Variants in TLE4 observed in about 807,000 individuals in gnomAD.
The protein encoded by TLE4 is TLE family member 4, transcriptional corepressor.
A neutral mutation model predicts 92.8 loss-of-function variants in TLE4; 8 were observed. That is an observed-to-expected ratio of 0.09 (90% confidence interval 0.05 to 0.16). The LOEUF (loss-of-function observed/expected upper bound fraction) is 0.16. TLE4 is among the 10% of genes least tolerant of loss of function. TLE4 has a pLI of 1.00. For missense variants in TLE4, 675 were observed against 997.6 expected, an observed-to-expected ratio of 0.68 and a Z score of 4.36; for synonymous variants, 371 against 374.1, an observed-to-expected ratio of 0.99 and a Z score of 0.10.
At chr9:79,593,618 C>A (rs980093351) in intron 4 of TLE4, among the ~76,000 whole-genome samples, 4 of 152,118 alleles carry the variant, frequency 2.6e-5, no homozygotes, top group Non-Finnish European at 4.4e-5. Context: ...GAAAATTAAA[C>A]AATATTCAGT....
intron 15 of TLE4, 136 bp from the exon 16 acceptor site, chr9:79,719,910 C>T: frequency 5.3e-6 from 6 of 1,140,806 alleles, no homozygotes; most frequent in South Asian, 1.9e-5. Context: ...AGCATTAATC[C>T]ACTTTATCAT....
At chr9:79,583,451 G>GA (rs1312218988) in intron 4 of TLE4, among the ~76,000 whole-genome samples, 1 of 152,170 alleles carries the variant, frequency 6.6e-6, no homozygotes, top group Admixed American at 6.5e-5. Flanking sequence ...TTCACGGAAT[G>GA]AAAGGATAAC....
intron 14 of TLE4, among the ~76,000 whole-genome samples, chr9:79,712,826 A>G (rs2073660842): frequency 1.3e-5 from 2 of 152,216 alleles, no homozygotes; most frequent in Admixed American, 6.5e-5. Context: ...GTGTATAACT[A>G]TTTGATTAAC....
At chr9:79,573,344 C>T in intron 1 of TLE4, 1 of 1,098,532 alleles carries the variant, frequency 9.1e-7, no homozygotes, top group African/African-American at 1.7e-5. Context: ...GGCGCGGGTC[C>T]CCCCGACGGG....
At chr9:79,708,050 T>C (rs1475386030) in intron 11 of TLE4, 68 bp from the exon 12 acceptor site, 1 of 1,515,554 alleles carries the variant, frequency 6.6e-7, no homozygotes, top group African/African-American at 1.4e-5. Flanking sequence ...TTCTTTACCT[T>C]TTTACTGTTT....
intron 6 of TLE4, among the ~76,000 whole-genome samples, 167 bp from the exon 7 acceptor site, chr9:79,652,426 A>G (rs970040431): frequency 2.0e-5 from 3 of 152,082 alleles, no homozygotes; most frequent in Non-Finnish European, 4.4e-5. Context: ...TGACCTCGTG[A>G]TCCGCCTGCC....
chr9:79,592,757 C>T (rs1429859254), intron 4 of TLE4, among the ~76,000 whole-genome samples: 1 of 152,164 alleles, frequency 6.6e-6, no homozygotes. Context: ...TTGTTGCAGT[C>T]ATTCTTTTCT....
chr9:79,573,800 C>T lies in TLE4; in HGVS notation c.143+14C>T, dbSNP rs2036728980. ...TCAATACCACAGGTAACGATATTGA[C>T]TTTAGCTGATCCTTCTGTTTGCTTA... On this transcript the variant is annotated intron_variant, in intron 2 of 19. Transcript: ENST00000376552. 2.6e-6 allele frequency: 4 copies of T among 1,537,424 alleles called. No homozygotes were observed. Among genetic ancestry groups the T allele is most frequent in the Non-Finnish European group, 3.6e-6 (4 of 1,122,112 alleles).
chr9:79,634,941 T>C (rs769846803), intron 6 of TLE4, among the ~76,000 whole-genome samples: 1 of 152,198 alleles, frequency 6.6e-6, no homozygotes, highest in Non-Finnish European at 1.5e-5. Flanking sequence ...TATTTGGATA[T>C]TTTAAGTAAG....
intron 4 of TLE4, chr9:79,576,401 A>G (rs2037776328): frequency 9.2e-6 from 3 of 327,726 alleles, no homozygotes; most frequent in Non-Finnish European, 1.7e-5. Flanking sequence ...AAGTCTGAAT[A>G]CATATTAAAC....
chr9:79,609,081 C>T lies in TLE4; in HGVS notation c.253-3575C>T, dbSNP rs545653984. ...GCGTTAGTATTTGTTACTTTTTAACCTAGTGATTGAGTTACAGCTTTCTTT... is the reference window on the plus strand; with the variant it reads ...GCGTTAGTATTTGTTACTTTTTAACTTAGTGATTGAGTTACAGCTTTCTTT... On this transcript the variant is annotated intron_variant, in intron 4 of 19. Coordinates refer to ENST00000376552, the MANE Select transcript of TLE4 (RefSeq NM_007005.6). Among the ~76,000 whole-genome samples, 11 of 152,134 alleles carry T rather than the reference C, an allele frequency of 7.2e-5. No homozygotes were observed. In the South Asian group the frequency reaches 2.1e-3, roughly 29 times the overall value.
At chr9:79,636,993 T>G (rs1446702882) in intron 6 of TLE4, among the ~76,000 whole-genome samples, 1 of 152,170 alleles carries the variant, frequency 6.6e-6, no homozygotes, top group Non-Finnish European at 1.5e-5. Flanking sequence ...AGGAAGCGCA[T>G]GGACTGGTAG....
intron 8 of TLE4, among the ~76,000 whole-genome samples, chr9:79,693,927 A>G (rs980039863): frequency 5.3e-5 from 8 of 152,176 alleles, no homozygotes; most frequent in South Asian, 4.1e-4. Context: ...CTTGATGCCA[A>G]ATTGCAGTTG....
rs532126674 is a variant in TLE4, at chr9:79,717,901, G to A, written c.1341-821G>A. 4.9e-5 allele frequency: 22 copies of A among 447,008 alleles called. No individual in the cohort carries two copies. In the East Asian group the frequency reaches 6.3e-4, roughly 13 times the overall value. The allele number at this position is 447,008 out of a possible 1,614,324, so 27.7% of individuals were successfully genotyped here. On this transcript the variant is annotated intron_variant, in intron 14 of 19. Transcript: ENST00000376552. ...TTCTGCTTCCAGAAACCTAACATGC[G>A]TCACAACAGCCTCACTCGTCCCTTC...
chr9:79,708,832 TG>T, intron 13 of TLE4, 46 bp downstream of exon 13: 4 of 1,549,228 alleles, frequency 2.6e-6, no homozygotes, highest in Non-Finnish European at 3.5e-6. Context: ...CACGGAGGAT[TG>T]TCATGCTTGA....
rs1290240633 is a variant in TLE4 at position 79,572,834 on chromosome 9, C to A, written c.44C>A (p.Pro15Gln). 10 of 1,598,566 alleles carry A rather than the reference C, an allele frequency of 6.3e-6. No individual in the cohort carries two copies. Among genetic ancestry groups the A allele is most frequent in the Non-Finnish European group, 7.7e-6 (9 of 1,173,442 alleles). The change falls in exon 1 of 20, where the codon CCA (proline) becomes CAA (glutamine). Residue 15 changes from proline (P) to glutamine (Q), a missense_variant and splice_region_variant. Transcript: ENST00000376552. ...AAGATGTACCCGCAGACCAGACACC[C>A]AGTGAGTGCGGGCGGCGGGGCGCGG... is the stretch of plus-strand genomic sequence containing the variant. ...LSKMYPQTRHPAPHQPAQPFK... is the reference protein window; with the variant it reads ...LSKMYPQTRHQAPHQPAQPFK...
chr9:79,701,328 C>A (rs1320428910), intron 8 of TLE4, among the ~76,000 whole-genome samples: 1 of 152,150 alleles, frequency 6.6e-6, no homozygotes, highest in Non-Finnish European at 1.5e-5. Flanking sequence ...TTCAAAAATA[C>A]AACGCTGCCT....
Position 79,726,805 on chromosome 9 carries a change from C to T in TLE4, c.*1661C>T, listed in dbSNP as rs1330332447. On this transcript the variant is annotated 3_prime_UTR_variant, in exon 20 of 20. Transcript: ENST00000376552. ...GTTTATTTTTTATCTTTGGCTGTGC[C>T]ACTCCTATATATTAAAAATGCCTAG... The T allele has an allele frequency of 6.6e-6, 1 of 152,330 alleles. No homozygotes were observed. The highest frequency in any genetic ancestry group is 1.9e-4 in the East Asian group (1 of 5,184). 9.4% of individuals were successfully genotyped at this position (152,330 alleles called of 1,614,324 possible). A position where few individuals can be genotyped will look rare whatever the true frequency, so the allele number is the denominator to read the frequency against.
At chr9:79,637,234 A>T (rs1289093581) in intron 6 of TLE4, among the ~76,000 whole-genome samples, 1 of 152,160 alleles carries the variant, frequency 6.6e-6, no homozygotes, top group Non-Finnish European at 1.5e-5. Context: ...GATGTTATTG[A>T]ATATTCGCTC....
Sources: gnomAD v4.1 joint callset for allele counts (sites outside exome capture counted in the v4.1 genomes callset) on GRCh38, gnomAD v4.1.1 for gene constraint, MANE v1.5 for transcripts, NCBI Gene and HGNC (gene_info 2026-07-23, HGNC 2026-07-21) for gene names.